CCSER2: variants seen among roughly 807,000 people sequenced by gnomAD.
CCSER2 encodes the protein coiled-coil serine rich protein 2.
CCSER2 carries 46 observed loss-of-function variants against 92.3 expected under a neutral mutation model. The ratio of observed to expected loss-of-function variants is 0.50; its 90% confidence interval spans 0.39 to 0.64. The LOEUF is 0.64. CCSER2 is among the 30% of genes least tolerant of loss of function. The probability of loss-of-function intolerance (pLI) is 0.00; values close to 1 mark genes in which losing one functional copy is unlikely to be tolerated. For synonymous variants in CCSER2, 433 were observed against 431.4 expected, an observed-to-expected ratio of 1.00 and a Z score of -0.04; for missense variants, 1,244 against 1,238.9, an observed-to-expected ratio of 1.00 and a Z score of -0.06.
intron 5 of CCSER2, among the ~76,000 whole-genome samples, chr10:84,437,479 G>A (rs994354142): frequency 2.0e-5 from 3 of 151,254 alleles, no homozygotes; most frequent in East Asian, 2.0e-4. Context: ...GTACCATTGC[G>A]CTCCAGCCTG....
intron 1 of CCSER2, among the ~76,000 whole-genome samples, chr10:84,367,236 G>T: frequency 6.6e-6 from 1 of 151,294 alleles, no homozygotes. Context: ...CTTTATTTTA[G>T]GGATATTTTC....
intron 9 of CCSER2, among the ~76,000 whole-genome samples, chr10:84,504,529 T>C (rs1848942026): frequency 6.6e-6 from 1 of 152,228 alleles, no homozygotes; most frequent in Non-Finnish European, 1.5e-5. Flanking sequence ...AGTAATTCAC[T>C]GTACTTATTC....
intron 7 of CCSER2, among the ~76,000 whole-genome samples, chr10:84,467,799 G>T (rs1846538884): frequency 6.6e-6 from 1 of 152,160 alleles, no homozygotes; most frequent in African/African-American, 2.4e-5. Flanking sequence ...ACCCTTGAAT[G>T]CTCCTCTGTT....
intron 4 of CCSER2, among the ~76,000 whole-genome samples, chr10:84,419,418 T>G (rs1401794885): frequency 1.3e-5 from 2 of 152,060 alleles, no homozygotes; most frequent in African/African-American, 4.8e-5. Flanking sequence ...GACAACTATC[T>G]TCATTCACAG....
chr10:84,394,205 C>T (rs1841689986), intron 3 of CCSER2, among the ~76,000 whole-genome samples: 1 of 152,124 alleles, frequency 6.6e-6, no homozygotes, highest in South Asian at 2.1e-4. Context: ...AATTCTTGAG[C>T]TTCTACTATG....
chr10:84,395,532 T>G (rs1841781550), intron 3 of CCSER2, among the ~76,000 whole-genome samples: 1 of 152,208 alleles, frequency 6.6e-6, no homozygotes, highest in Non-Finnish European at 1.5e-5. Context: ...GCTTTCAGGC[T>G]CTTCAACTTC....
At chr10:84,391,652 A>G in intron 3 of CCSER2, 9 of 1,536,894 alleles carry the variant, frequency 5.9e-6, no homozygotes, top group Non-Finnish European at 8.1e-6. Flanking sequence ...AATCATTAAC[A>G]GACCCAACAC....
intron 6 of CCSER2, among the ~76,000 whole-genome samples, chr10:84,456,762 A>G (rs1254832580): frequency 6.6e-6 from 1 of 152,158 alleles, no homozygotes; most frequent in Non-Finnish European, 1.5e-5. Context: ...TTATCAGTGT[A>G]TTATAAAAGC....
intron 6 of CCSER2, among the ~76,000 whole-genome samples, chr10:84,463,293 A>T (rs780711666): frequency 2.0e-4 from 30 of 152,180 alleles, no homozygotes; most frequent in Non-Finnish European, 2.4e-4. Flanking sequence ...TGTATGTTTA[A>T]CTACCGTACA....
chr10:84,349,751 T>A (rs1844758175), intron 1 of CCSER2, among the ~76,000 whole-genome samples: 1 of 152,246 alleles, frequency 6.6e-6, no homozygotes, highest in African/African-American at 2.4e-5. Flanking sequence ...TCTATCATTA[T>A]TTCTCATCTG....
At chr10:84,452,856 C>G (rs1019849966) in intron 6 of CCSER2, among the ~76,000 whole-genome samples, 1 of 151,774 alleles carries the variant, frequency 6.6e-6, no homozygotes, top group African/African-American at 2.4e-5. Context: ...CAAATGTTTC[C>G]TAATTTTGGC....
intron 3 of CCSER2, among the ~76,000 whole-genome samples, chr10:84,401,717 A>G (rs1842128299): frequency 6.6e-6 from 1 of 152,222 alleles, no homozygotes; most frequent in African/African-American, 2.4e-5. Flanking sequence ...CTAAAACCAG[A>G]CAAATAAATT....
chr10:84,470,192 A>G (rs551661742), intron 7 of CCSER2, among the ~76,000 whole-genome samples, 180 bp from the exon 8 acceptor site: 1 of 151,706 alleles, frequency 6.6e-6, no homozygotes, highest in East Asian at 1.9e-4. Context: ...TGCTGCTACT[A>G]TTGCTCATTG....
chr10:84,431,871 A>G (rs1244940566), intron 5 of CCSER2, among the ~76,000 whole-genome samples: 3 of 152,258 alleles, frequency 2.0e-5, no homozygotes, highest in Non-Finnish European at 4.4e-5. Flanking sequence ...ACATTTATAT[A>G]CAGATTTTTG....
intron 7 of CCSER2, among the ~76,000 whole-genome samples, chr10:84,466,490 C>T (rs865912560): frequency 4.8e-4 from 71 of 148,874 alleles, no homozygotes; most frequent in South Asian, 3.0e-3. Context: ...TTCTTGCTTT[C>T]TTTTTTTTGT....
intron 1 of CCSER2, among the ~76,000 whole-genome samples, chr10:84,354,678 T>C (rs973373024): frequency 2.6e-5 from 4 of 151,744 alleles, no homozygotes; most frequent in Non-Finnish European, 5.9e-5. Flanking sequence ...CCATCGTTCC[T>C]GTACTGATAA....
Position 84,370,997 on chromosome 10 carries a change from C to CT in CCSER2, c.-39-11dup. The CT allele has an allele frequency of 1.8e-6, 2 of 1,137,276 alleles. No homozygotes were observed. Among genetic ancestry groups the CT allele is most frequent in the Non-Finnish European group, 2.5e-6 (2 of 811,256 alleles). The allele number at this position is 1,137,276 out of a possible 1,614,324, so 70.4% of individuals were successfully genotyped here. A position where few individuals can be genotyped will look rare whatever the true frequency, so the allele number is the denominator to read the frequency against. ...TTATTTAGGAATGTTTAATGTACTTCTTTTTTCTCTTCACAGATTCTTTCA... is the reference window on the plus strand; with the variant it reads ...TTATTTAGGAATGTTTAATGTACTTCTTTTTTTCTCTTCACAGATTCTTTCA... On this transcript the variant is annotated splice_polypyrimidine_tract_variant and intron_variant, in intron 1 of 9. Coordinates refer to ENST00000372088, the MANE Select transcript of CCSER2 (RefSeq NM_001284240.2).
At chr10:84,375,042 A>C (rs962184113) in intron 3 of CCSER2, among the ~76,000 whole-genome samples, 2 of 152,170 alleles carry the variant, frequency 1.3e-5, no homozygotes, top group Admixed American at 1.3e-4. Flanking sequence ...AAGACCTTAT[A>C]TGCTGTCTTA....
chr10:84,499,708 G>A (rs936283743), intron 9 of CCSER2, among the ~76,000 whole-genome samples: 1 of 152,106 alleles, frequency 6.6e-6, no homozygotes, highest in African/African-American at 2.4e-5. Context: ...GGATTATGAT[G>A]TATTTTTAGT....
Sources: allele counts gnomAD v4.1 joint callset (sites outside exome capture counted in the v4.1 genomes callset), GRCh38; gene constraint gnomAD v4.1.1; transcripts MANE v1.5; gene names NCBI Gene and HGNC (gene_info 2026-07-23, HGNC 2026-07-21).